NKAIN3: variants seen among roughly 807,000 people sequenced by gnomAD.
NKAIN3 encodes sodium/potassium transporting ATPase interacting 3, also known as sodium/potassium-transporting ATPase subunit beta-1-interacting protein 3.
Under a neutral mutation model 30.2 loss-of-function variants are expected in NKAIN3, and 25 were observed. The ratio of observed to expected loss-of-function variants is 0.83; its 90% CI spans 0.60 to 1.16. NKAIN3 has a LOEUF of 1.16. Ranked by LOEUF, NKAIN3 falls within the 50% of genes most tolerant of loss-of-function variation. NKAIN3 has a pLI of 0.00. For missense variants in NKAIN3, 225 were observed against 254.1 expected, an observed-to-expected ratio of 0.89 and a Z score of 0.78; for synonymous variants, 91 against 89.6, an observed-to-expected ratio of 1.02 and a Z score of -0.09.
intron 1 of NKAIN3, among the ~76,000 whole-genome samples, chr8:62,338,632 C>T (rs1036287240): frequency 4.6e-5 from 7 of 151,852 alleles, no homozygotes; most frequent in Non-Finnish European, 8.8e-5. Flanking sequence ...TAAGTATTAA[C>T]TCACGTGATC....
chr8:62,804,542 A>G (rs1236230497), intron 4 of NKAIN3, among the ~76,000 whole-genome samples: 1 of 152,216 alleles, frequency 6.6e-6, no homozygotes, highest in Admixed American at 6.5e-5. Flanking sequence ...AGAACCAAAG[A>G]CAAAAACCAC....
At chr8:62,319,714 T>C (rs1814802910) in intron 1 of NKAIN3, among the ~76,000 whole-genome samples, 1 of 152,310 alleles carries the variant, frequency 6.6e-6, no homozygotes, top group African/African-American at 2.4e-5. Context: ...TTATAATTTC[T>C]GTTCTTTCAC....
intron 4 of NKAIN3, among the ~76,000 whole-genome samples, chr8:62,818,746 G>A (rs1818764905): frequency 6.6e-6 from 1 of 152,070 alleles, no homozygotes; most frequent in Non-Finnish European, 1.5e-5. Flanking sequence ...AGTGCTGCCA[G>A]AACACAGAAG....
chr8:62,451,139 T>C (rs1239710447), intron 1 of NKAIN3, among the ~76,000 whole-genome samples: 1 of 152,210 alleles, frequency 6.6e-6, no homozygotes, highest in Non-Finnish European at 1.5e-5. Flanking sequence ...ACTATGGTTA[T>C]AGTAATTTTA....
intron 1 of NKAIN3, among the ~76,000 whole-genome samples, chr8:62,569,567 G>A (rs1285970187): frequency 2.6e-5 from 4 of 152,110 alleles, no homozygotes; most frequent in Non-Finnish European, 5.9e-5. Context: ...TTTGAGGCCA[G>A]GACTTTGAGA....
rs74724326 is a variant in NKAIN3, at chr8:62,620,103, C to T, written c.273+30309C>T. On this transcript the variant is annotated intron_variant, in intron 3 of 6. Transcript: ENST00000623646. ...GTTAAACCTGAGTGTTTTTATGATA[C>T]GTTTGTTGAAGAGTGAAAAGTCATA... Among the ~76,000 whole-genome samples the T allele has an allele frequency of 7.5e-3, 1,147 of 152,076 alleles. 13 individuals carry two copies. Among genetic ancestry groups the T allele is most frequent in the Admixed American group, 0.015 (232 of 15,264 alleles).
At chr8:62,775,085 G>T (rs975253748) in intron 4 of NKAIN3, among the ~76,000 whole-genome samples, 1 of 152,080 alleles carries the variant, frequency 6.6e-6, no homozygotes, top group Non-Finnish European at 1.5e-5. Flanking sequence ...CTAGGTACTT[G>T]TTATTGGGCT....
intron 4 of NKAIN3, among the ~76,000 whole-genome samples, chr8:62,759,107 C>T (rs1223408371): frequency 1.3e-5 from 2 of 152,160 alleles, no homozygotes; most frequent in African/African-American, 2.4e-5. Flanking sequence ...ATTACATTCT[C>T]TTAACCATAA....
intron 3 of NKAIN3, among the ~76,000 whole-genome samples, chr8:62,593,910 G>A (rs1720304131): frequency 6.6e-6 from 1 of 151,984 alleles, no homozygotes; most frequent in Admixed American, 6.6e-5. Flanking sequence ...GATCTGTTAG[G>A]TGGGGATCCT....
At chr8:62,711,232 A>G (rs1368786291) in intron 3 of NKAIN3, among the ~76,000 whole-genome samples, 1 of 152,180 alleles carries the variant, frequency 6.6e-6, no homozygotes, top group Non-Finnish European at 1.5e-5. Flanking sequence ...ATCTTTTTGC[A>G]ATGAATTTCC....
intron 1 of NKAIN3, among the ~76,000 whole-genome samples, chr8:62,306,536 TTGTGTG>T (rs10552182): frequency 0.032 from 4,341 of 135,640 alleles, 134 homozygotes; most frequent in African/African-American, 0.042. Flanking sequence ...TTTGAAGGCT[TTGTGTG>T]TGTGTGTGTG....
intron 3 of NKAIN3, among the ~76,000 whole-genome samples, chr8:62,712,403 G>C (rs374174838): frequency 7.2e-5 from 11 of 152,096 alleles, no homozygotes; most frequent in African/African-American, 2.7e-4. Context: ...CCTTGGGCAG[G>C]TCTTGCTGTG....
intron 1 of NKAIN3, among the ~76,000 whole-genome samples, chr8:62,370,194 A>T (rs926402060): frequency 2.6e-5 from 4 of 152,024 alleles, no homozygotes; most frequent in Admixed American, 2.6e-4. Flanking sequence ...TATCTGTCAC[A>T]CAAGGTCTAG....
rs549174289 is a variant in NKAIN3 at position 62,676,834 on chromosome 8, C to T, written c.274-70098C>T. ...GCTCCAGTGATCCTCTTACCTCTGG[C>T]TCCTGAGTAACTGGCATGACAGGTG... On this transcript the variant is annotated intron_variant, in intron 3 of 6. Coordinates refer to ENST00000623646, the MANE Select transcript of NKAIN3 (RefSeq NM_001304533.3). 6.6e-5 allele frequency among the ~76,000 whole-genome samples: 10 copies of T among 151,678 alleles called. No homozygotes were observed. In the South Asian group the frequency reaches 2.1e-3, roughly 32 times the overall value.
At chr8:62,339,642 T>A (rs888729284) in intron 1 of NKAIN3, among the ~76,000 whole-genome samples, 2 of 152,090 alleles carry the variant, frequency 1.3e-5, no homozygotes, top group Admixed American at 1.3e-4. Flanking sequence ...ATGAGATTCA[T>A]CTTTTTCTTT....
intron 3 of NKAIN3, among the ~76,000 whole-genome samples, chr8:62,706,185 G>A (rs755197137): frequency 3.9e-5 from 6 of 152,000 alleles, no homozygotes; most frequent in Non-Finnish European, 7.4e-5. Context: ...AAGAGCTGGG[G>A]GTGTTTGCAT....
intron 1 of NKAIN3, among the ~76,000 whole-genome samples, chr8:62,431,320 GA>G (rs2129597485): frequency 6.6e-6 from 1 of 151,950 alleles, no homozygotes; most frequent in African/African-American, 2.4e-5. Flanking sequence ...TCCTAACAAA[GA>G]CCCAAGATGA....
At chr8:62,588,044 C>A (rs1029376023) in intron 2 of NKAIN3, among the ~76,000 whole-genome samples, 8 of 151,822 alleles carry the variant, frequency 5.3e-5, no homozygotes, top group African/African-American at 1.9e-4. Context: ...TAGTTTATTG[C>A]CTTACTTTAA....
rs1185373094 is a variant in NKAIN3 at position 62,967,690 on chromosome 8, A to G, written c.*2283A>G. ...AATAATTATTGTTAGTATTGTTACG[A>G]TTATTGAAAAAGCTGATAAAACATC... On this transcript the variant is annotated 3_prime_UTR_variant, in exon 7 of 7. Transcript: ENST00000623646. Among the ~76,000 whole-genome samples the G allele has an allele frequency of 6.6e-6, 1 of 152,190 alleles. No individual in the cohort carries two copies.
Sources: gnomAD v4.1 joint callset for allele counts (sites outside exome capture counted in the v4.1 genomes callset) on GRCh38, gnomAD v4.1.1 for gene constraint, MANE v1.5 for transcripts, NCBI Gene and HGNC (gene_info 2026-07-23, HGNC 2026-07-21) for gene names.